The following PCDH7 variants were observed in gnomAD, a reference collection of about 807,000 sequenced individuals.
PCDH7 encodes protocadherin 7.
In PCDH7, 17 loss-of-function variants were observed where a neutral mutation model predicts 58.9. The observed-to-expected ratio is 0.29, with a 90% confidence interval of 0.20 to 0.43. The LOEUF is 0.43. Ranked by LOEUF, PCDH7 falls within the 20% of genes least tolerant of loss-of-function variation. The pLI, the probability that PCDH7 is intolerant of heterozygous loss-of-function variation, is 1.00. For missense variants in PCDH7, 1,274 were observed against 1,441.0 expected (o/e 0.88, Z 1.88); for synonymous variants, 664 against 616.4 (o/e 1.08, Z -1.14).
rs1375663187 is a variant in PCDH7 at position 30,720,545 on chromosome 4, T to C, written c.-878T>C. 2 of 152,716 alleles carry C rather than the reference T, an allele frequency of 1.3e-5. No homozygotes were observed. Among genetic ancestry groups the C allele is most frequent in the Non-Finnish European group, 2.9e-5 (2 of 68,090 alleles). 9.5% of individuals were successfully genotyped at this position (152,716 alleles called of 1,614,324 possible). A position where few individuals can be genotyped will look rare whatever the true frequency, so the allele number is the denominator to read the frequency against. ...CGGTTTCAGGCGGCTGCTTCGTGAC[T>C]AATGACCTTGCGCAGAGTTGTTAAG... On this transcript the variant is annotated 5_prime_UTR_variant, in exon 1 of 2. Coordinates refer to ENST00000361762, the Ensembl canonical transcript of PCDH7. The surrounding 1 kb of genome is among the most constrained non-coding windows in gnomAD (Gnocchi z 4.7).
At chr4:30,926,303 G>A (rs1466854858) in intron 2 of PCDH7, among the ~76,000 whole-genome samples, 3 of 151,278 alleles carry the variant, frequency 2.0e-5, no homozygotes, top group African/African-American at 7.3e-5. Context: ...TGCTGCCTCA[G>A]CCTCCAGAGT....
rs946022096 is a variant in PCDH7, at chr4:30,918,756, G to A, written c.71-1397G>A. The stretch of plus-strand genomic sequence containing the variant: ...TGTAAAGATTGTACACTTCAAATAA[G>A]TACATGAATTGTGAGCTACTGGGTT... On this transcript the variant is annotated intron_variant, in intron 1 of 3. Transcript: ENST00000509759. 2.6e-5 allele frequency among the ~76,000 whole-genome samples: 4 copies of A among 152,072 alleles called. No individual in the cohort carries two copies. The South Asian group carries it at 6.2e-4, about 24-fold the overall frequency.
chr4:30,935,339 G>C lies in PCDH7; in HGVS notation c.288-14781G>C, dbSNP rs1365288966. 6.2e-5 allele frequency: 61 copies of C among 982,804 alleles called. 1 individual carries two copies. Among genetic ancestry groups the C allele is most frequent in the Non-Finnish European group, 1.7e-5 (14 of 827,784 alleles). The allele number at this position is 982,804 out of a possible 1,614,324, so 60.9% of individuals were successfully genotyped here. A position where few individuals can be genotyped will look rare whatever the true frequency, so the allele number is the denominator to read the frequency against. The stretch of plus-strand genomic sequence containing the variant: ...ATGTTTACTGGCCTCATATTTAGCT[G>C]TAAAGGTAAGTAGTTTCTTGGCACC... On this transcript the variant is annotated intron_variant, in intron 2 of 3. Transcript: ENST00000509759.
At chr4:30,807,356 G>A (rs1054979885) in intron 1 of PCDH7, among the ~76,000 whole-genome samples, 2 of 152,126 alleles carry the variant, frequency 1.3e-5, no homozygotes, top group African/African-American at 4.8e-5. Context: ...TTAGAGCACA[G>A]CAATGCAAAA....
chr4:30,766,151 C>T (rs1259473840), intron 1 of PCDH7, among the ~76,000 whole-genome samples: 1 of 151,372 alleles, frequency 6.6e-6, no homozygotes, highest in African/African-American at 2.4e-5. Flanking sequence ...AAAGCCCCCT[C>T]TAATTGCAAA....
At chr4:31,128,104 T>C (rs1718529585) in intron 3 of PCDH7, among the ~76,000 whole-genome samples, 1 of 151,022 alleles carries the variant, frequency 6.6e-6, no homozygotes, top group Non-Finnish European at 1.5e-5. Flanking sequence ...TGTATATATG[T>C]GTATATATAT....
intron 3 of PCDH7, among the ~76,000 whole-genome samples, chr4:31,008,335 G>A (rs1244969788): frequency 1.3e-5 from 2 of 152,046 alleles, no homozygotes; most frequent in Admixed American, 1.3e-4. Context: ...CTATTTAAGT[G>A]ATTAACTTAA....
At chr4:31,101,669 T>C (rs924214643) in intron 3 of PCDH7, among the ~76,000 whole-genome samples, 4 of 152,216 alleles carry the variant, frequency 2.6e-5, no homozygotes, top group Non-Finnish European at 4.4e-5. Flanking sequence ...TTTCTAAATA[T>C]GAAAAGTCTT....
intron 1 of PCDH7, chr4:30,730,684 A>G (rs1715358660): frequency 2.5e-6 from 3 of 1,202,240 alleles, no homozygotes; most frequent in Non-Finnish European, 3.6e-6. Context: ...AATTGGGCAT[A>G]AGACACTGGG....
intron 1 of PCDH7, among the ~76,000 whole-genome samples, chr4:30,801,544 A>G (rs1725520248): frequency 6.6e-6 from 1 of 152,198 alleles, no homozygotes; most frequent in Non-Finnish European, 1.5e-5. Flanking sequence ...TAATAATAAA[A>G]ATCAATTCAA....
chr4:30,765,999 A>G (rs902489953), intron 1 of PCDH7, among the ~76,000 whole-genome samples: 6 of 152,128 alleles, frequency 3.9e-5, no homozygotes, highest in Admixed American at 2.6e-4. Flanking sequence ...CTTAAGACGG[A>G]GAAGGGAACC....
chr4:30,837,786 G>A (rs898857046), intron 1 of PCDH7, among the ~76,000 whole-genome samples: 4 of 150,940 alleles, frequency 2.7e-5, no homozygotes, highest in Non-Finnish European at 5.9e-5. Context: ...TATTATTAAT[G>A]TCTCTATAAA....
At chr4:31,059,360 AATGT>A (rs1757497281) in intron 3 of PCDH7, among the ~76,000 whole-genome samples, 1 of 151,950 alleles carries the variant, frequency 6.6e-6, no homozygotes, top group Admixed American at 6.6e-5. Context: ...TTCTGGCAAC[AATGT>A]ATGATTACTA....
intron 1 of PCDH7, among the ~76,000 whole-genome samples, chr4:30,916,849 C>T (rs1263283553): frequency 6.6e-6 from 1 of 152,168 alleles, no homozygotes; most frequent in Non-Finnish European, 1.5e-5. Context: ...TTTTTAAAAA[C>T]TCCCGATCTC....
chr4:31,034,353 T>C (rs911554216), intron 3 of PCDH7, among the ~76,000 whole-genome samples: 2 of 152,216 alleles, frequency 1.3e-5, no homozygotes, highest in Admixed American at 1.3e-4. Context: ...GTTACCTAAT[T>C]TTAAAAGGAA....
chr4:30,984,612 T>C (rs1750820801), intron 3 of PCDH7, among the ~76,000 whole-genome samples: 1 of 152,168 alleles, frequency 6.6e-6, no homozygotes, highest in Non-Finnish European at 1.5e-5. Context: ...AGGTTTAGAA[T>C]TGTATGCAGG....
At chr4:31,102,735 TC>T (rs1715060408) in intron 3 of PCDH7, among the ~76,000 whole-genome samples, 1 of 152,006 alleles carries the variant, frequency 6.6e-6, no homozygotes, top group African/African-American at 2.4e-5. Context: ...TAGTCAAGTA[TC>T]ATGTACAAAA....
At chr4:30,736,268 G>A (rs1716241417), downstream of PCDH7, among the ~76,000 whole-genome samples, 2 of 152,196 alleles carry the variant, frequency 1.3e-5, no homozygotes, top group East Asian at 1.9e-4. Flanking sequence ...CAGACCAAAT[G>A]TAAAGAGCTC....
At chr4:30,732,171 A>G (rs563342949) in exon 2 of PCDH7, 1 of 152,202 alleles carries the variant, frequency 6.6e-6, no homozygotes, top group Admixed American at 6.5e-5. Flanking sequence ...ATTTTCAGAA[A>G]CATCACTGCA....
Sources: allele counts gnomAD v4.1 joint callset (sites outside exome capture counted in the v4.1 genomes callset), GRCh38; gene constraint gnomAD v4.1.1; non-coding constraint Gnocchi (gnomAD v3.1); transcripts MANE v1.5; gene names NCBI Gene and HGNC (gene_info 2026-07-23, HGNC 2026-07-21).